The following PIWIL1 variants were observed in gnomAD, a reference collection of about 807,000 sequenced individuals.
PIWIL1 encodes piwi like RNA-mediated gene silencing 1, also known as piwi-like protein 1.
A neutral mutation model predicts 114.4 loss-of-function variants in PIWIL1; 73 were observed. That is an observed-to-expected ratio of 0.64 (90% CI 0.53 to 0.78). The LOEUF (loss-of-function observed/expected upper bound fraction) is 0.78, where lower values mean the gene tolerates loss of function less well. Among genes scored for constraint, PIWIL1 ranks in the 30% least tolerant of loss-of-function variants. The pLI is 0.00. For missense variants in PIWIL1, 723 were observed against 1,063.1 expected (o/e 0.68, Z 4.45); for synonymous variants, 375 against 369.0 (o/e 1.02, Z -0.19).
At chr12:130,357,242 C>A in intron 13 of PIWIL1, 137 bp downstream of exon 13, 1 of 754,464 alleles carries the variant, frequency 1.3e-6, no homozygotes. Context: ...TAAACAGAAA[C>A]ATATTTTAAT....
At chr12:130,418,235 G>A in the PIWIL1 span, among the ~76,000 whole-genome samples, 1 of 152,204 alleles carries the variant, frequency 6.6e-6, no homozygotes, top group Non-Finnish European at 1.5e-5. Context: ...AATCTAAAAT[G>A]TCAGTAATTT....
rs767038488 is a variant in PIWIL1, at chr12:130,356,987, C to A, written c.1474C>A (p.Pro492Thr). The A allele has an allele frequency of 6.2e-7, 1 of 1,613,400 alleles. No homozygotes were observed. The highest frequency in any genetic ancestry group is 2.2e-5 in the East Asian group (1 of 44,862). Residue 492 changes from proline to threonine, a missense_variant, in exon 13 of 21, where the codon CCA (proline) becomes ACA (threonine). Physicochemically the swap from Pro to Thr is conservative, Grantham distance 38. Coordinates refer to ENST00000245255, the MANE Select transcript of PIWIL1 (RefSeq NM_004764.5). Reference sequence around the variant, plus strand: ...AGGTGCACCATTAATTAGTGTTAAGCCACTAGATAACTGGCTGTTGATCTA... The same window carrying A: ...AGGTGCACCATTAATTAGTGTTAAGACACTAGATAACTGGCTGTTGATCTA... ...TRGAPLISVK[P>T]LDNWLLIYTR...
the PIWIL1 span, among the ~76,000 whole-genome samples, chr12:130,394,730 C>T: frequency 6.6e-6 from 1 of 151,650 alleles, no homozygotes; most frequent in African/African-American, 2.4e-5. Context: ...CAGTAAAGCT[C>T]ACTTGGTGGA....
chr12:130,343,486 T>G (rs2072982938), intron 3 of PIWIL1, among the ~76,000 whole-genome samples: 1 of 152,186 alleles, frequency 6.6e-6, no homozygotes, highest in Non-Finnish European at 1.5e-5. Context: ...TACCTGAGAA[T>G]TGCTTGTCAC....
chr12:130,404,748 T>G, the PIWIL1 span, among the ~76,000 whole-genome samples: 3 of 152,144 alleles, frequency 2.0e-5, no homozygotes, highest in Non-Finnish European at 4.4e-5. Context: ...AAAAGCTAAA[T>G]GTACATCTAA....
chr12:130,395,521 T>C, the PIWIL1 span, among the ~76,000 whole-genome samples: 4 of 152,194 alleles, frequency 2.6e-5, no homozygotes, highest in Non-Finnish European at 5.9e-5. Context: ...CTTTGGGGAA[T>C]TGGTAAATAT....
chr12:130,345,649 C>T (rs1593087655), intron 3 of PIWIL1, 104 bp from the exon 4 acceptor site: 6 of 1,212,050 alleles, frequency 5.0e-6, no homozygotes, highest in East Asian at 2.4e-5. Context: ...TTGTCTTCTA[C>T]ACCTCAGTAT....
the PIWIL1 span, among the ~76,000 whole-genome samples, chr12:130,378,501 G>A: frequency 6.6e-6 from 1 of 152,126 alleles, no homozygotes; most frequent in Admixed American, 6.5e-5. Context: ...AGGAATTGCT[G>A]GATTTATATG....
the PIWIL1 span, chr12:130,396,597 A>C: frequency 6.5e-6 from 1 of 152,680 alleles, no homozygotes; most frequent in African/African-American, 2.4e-5. Context: ...TTTGACAACG[A>C]AAGTAACAGA....
the PIWIL1 span, chr12:130,424,653 T>C: frequency 7.3e-6 from 9 of 1,231,610 alleles, no homozygotes; most frequent in Non-Finnish European, 8.1e-6. This position sits in a 1 kb window ranked among gnomAD's most constrained non-coding sequence, Gnocchi z 9.8. Flanking sequence ...GTCGCCCCTG[T>C]AGGGCCTGCC....
At chr12:130,338,171 G>C (rs569319815) in intron 1 of PIWIL1, 25 bp downstream of exon 1, 699 of 332,638 alleles carry the variant, frequency 2.1e-3, no homozygotes, top group Non-Finnish European at 2.6e-3. Flanking sequence ...TGAGGTGCTA[G>C]GTGTGCGGGG....
intron 1 of PIWIL1, among the ~76,000 whole-genome samples, chr12:130,339,092 C>G (rs571026251): frequency 1.3e-5 from 2 of 152,204 alleles, no homozygotes; most frequent in Non-Finnish European, 2.9e-5. Flanking sequence ...GCGTCCGCCG[C>G]CGCTGCGCTG....
chr12:130,347,344 C>T (rs935868038), intron 6 of PIWIL1, among the ~76,000 whole-genome samples: 2 of 152,212 alleles, frequency 1.3e-5, no homozygotes, highest in Admixed American at 6.5e-5. Flanking sequence ...ACTTGGTATT[C>T]CTTCTCCCCA....
the PIWIL1 span, among the ~76,000 whole-genome samples, chr12:130,392,392 C>T: frequency 1.4e-4 from 20 of 148,046 alleles, no homozygotes; most frequent in East Asian, 2.0e-3. Context: ...CCGTCAGTTA[C>T]CTGGTGAATA....
chr12:130,399,218 G>T, the PIWIL1 span: 1 of 1,020,378 alleles, frequency 9.8e-7, no homozygotes, highest in Non-Finnish European at 1.3e-6. Flanking sequence ...ATATAATATA[G>T]AAAAACTTGC....
In PIWIL1 at chr12:130,348,201, C is replaced by A. The variant is rs200038052; in HGVS notation, c.734+18C>A. On this transcript the variant is annotated intron_variant, in intron 7 of 20. Coordinates refer to ENST00000245255, the MANE Select transcript of PIWIL1 (RefSeq NM_004764.5). ...AGTCACAGGTTTGTATGAAGTAGAA[C>A]GTTTAATATTCCTTAGGCTTAATGA... The A allele has an allele frequency of 2.1e-6, 3 of 1,418,550 alleles. No homozygotes were observed. The highest frequency in any genetic ancestry group is 1.8e-4 in the Middle Eastern group (1 of 5,650). The allele number at this position is 1,418,550 out of a possible 1,614,324, so 87.9% of individuals were successfully genotyped here.
At chr12:130,369,623 T>G (rs1208934475) in intron 19 of PIWIL1, among the ~76,000 whole-genome samples, 3 of 152,228 alleles carry the variant, frequency 2.0e-5, no homozygotes, top group Non-Finnish European at 2.9e-5. Flanking sequence ...TGGTTTTGAT[T>G]TGCATTTCTC....
chr12:130,407,957 T>C, the PIWIL1 span: 1 of 761,550 alleles, frequency 1.3e-6, no homozygotes, highest in Admixed American at 1.9e-5. Context: ...GGCCACGTGC[T>C]CCTGGGCACT....
chr12:130,356,841 A>T, intron 12 of PIWIL1, 77 bp from the exon 13 acceptor site: 1 of 988,366 alleles, frequency 1.0e-6, no homozygotes. Context: ...ATGCCATGGT[A>T]GAATTATTGA....
Sources: allele counts gnomAD v4.1 joint callset (sites outside exome capture counted in the v4.1 genomes callset), GRCh38; gene constraint gnomAD v4.1.1; non-coding constraint Gnocchi (gnomAD v3.1); transcripts MANE v1.5; gene names NCBI Gene and HGNC (gene_info 2026-07-23, HGNC 2026-07-21).